The following SDF2 variants were observed in gnomAD, a reference collection of about 807,000 sequenced individuals.
SDF2 encodes the protein stromal cell derived factor 2.
In SDF2, 12 loss-of-function variants were observed where a neutral mutation model predicts 20.5. The observed-to-expected ratio is 0.58, with a 90% CI of 0.37 to 0.95. The LOEUF (loss-of-function observed/expected upper bound fraction) is 0.95. Among genes scored for constraint, SDF2 ranks in the 40% least tolerant of loss-of-function variants. The pLI is 0.01. For synonymous variants in SDF2, 100 were observed against 101.0 expected, an observed-to-expected ratio of 0.99 and a Z score of 0.06; for missense variants, 238 against 263.1, an observed-to-expected ratio of 0.90 and a Z score of 0.66.
At chr17:28,654,805 AATT>A (rs1423804063) in intron 2 of SDF2, among the ~76,000 whole-genome samples, 1 of 151,906 alleles carries the variant, frequency 6.6e-6, no homozygotes, top group East Asian at 1.9e-4. Context: ...CAAAAAAAAA[AATT>A]AGCCAGGTGT....
chr17:28,654,108 T>C (rs1597669766), intron 2 of SDF2, among the ~76,000 whole-genome samples: 1 of 151,672 alleles, frequency 6.6e-6, no homozygotes. Context: ...CTCAGGAGTT[T>C]GAGACCAGCC....
chr17:28,652,521 G>A (rs2071923575), intron 2 of SDF2, among the ~76,000 whole-genome samples: 1 of 152,130 alleles, frequency 6.6e-6, no homozygotes, highest in Admixed American at 6.5e-5. Flanking sequence ...TGTTAGCCAG[G>A]CTGGTCTCGA....
intron 2 of SDF2, 89 bp from the exon 3 acceptor site, chr17:28,649,365 T>G (rs1002304477): frequency 5.3e-5 from 68 of 1,289,328 alleles, no homozygotes; most frequent in Non-Finnish European, 7.1e-5. Flanking sequence ...GAAGGCCACC[T>G]TGAAGTAAAA....
rs758457609 is a variant in SDF2, at chr17:28,661,872, G to A, written c.5C>T (p.Ala2Val). M[A>V]VVPLLLLGGL... ...CCCCAACAACAGCAGAGGTACTACA[G>A]CCATCCTAACTGTATCGCGGAGCCC... is the stretch of plus-strand genomic sequence containing the variant. Residue 2 changes from alanine to valine, a missense_variant, in exon 1 of 3, where the codon GCT becomes GTT. Physicochemically the swap from Ala to Val is moderately conservative, Grantham distance 64. Coordinates refer to ENST00000247020, the MANE Select transcript of SDF2 (RefSeq NM_006923.4). The A allele has an allele frequency of 6.2e-7, 1 of 1,610,580 alleles. No individual in the cohort carries two copies. Among genetic ancestry groups the A allele is most frequent in the Non-Finnish European group, 8.5e-7 (1 of 1,177,072 alleles).
At chr17:28,661,676 A>G (rs202022967) in intron 1 of SDF2, 50 bp downstream of exon 1, 5 of 1,584,302 alleles carry the variant, frequency 3.2e-6, no homozygotes, top group South Asian at 1.1e-5. Flanking sequence ...CCGCCCCTCC[A>G]GAGCCTCCGA....
chr17:28,653,322 A>G (rs929362765), intron 2 of SDF2, among the ~76,000 whole-genome samples: 3 of 152,218 alleles, frequency 2.0e-5, no homozygotes, highest in African/African-American at 7.2e-5. Flanking sequence ...CAAACCCTTT[A>G]TAAGTCCGGT....
intron 1 of SDF2, 81 bp downstream of exon 1, chr17:28,661,645 C>A: frequency 6.8e-7 from 1 of 1,472,978 alleles, no homozygotes. Flanking sequence ...CCAGACCACA[C>A]TGTCAGATAT....
chr17:28,660,574 T>C (rs564392745), intron 1 of SDF2: 1 of 152,450 alleles, frequency 6.6e-6, no homozygotes, highest in Non-Finnish European at 1.5e-5. Context: ...GCCAAGCCTC[T>C]GTCCACCTCC....
chr17:28,658,346 G>A (rs1012110508), intron 1 of SDF2, among the ~76,000 whole-genome samples: 1 of 151,862 alleles, frequency 6.6e-6, no homozygotes, highest in East Asian at 1.9e-4. Flanking sequence ...TGGAGAGAAG[G>A]TCAGCAGATA....
At chr17:28,653,743 C>A (rs191409045) in intron 2 of SDF2, among the ~76,000 whole-genome samples, 52 of 152,112 alleles carry the variant, frequency 3.4e-4, no homozygotes, top group African/African-American at 1.2e-3. Context: ...ACCTGGGAGG[C>A]GGAGGTTGCA....
chr17:28,661,985 T>G, upstream of SDF2: 1 of 1,296,414 alleles, frequency 7.7e-7, no homozygotes. Flanking sequence ...AGCCCGAGTC[T>G]GATCTTTATG....
Position 28,655,272 on chromosome 17 carries a change from C to G in SDF2, c.348+15G>C. On this transcript the variant is annotated intron_variant, in intron 2 of 2. Transcript: ENST00000247020. ...GTAATGCAGAGCAGCAACAATCCAT[C>G]GAAAGCCACCTCACCTGGTTTCCAG... 1 of 1,613,180 alleles carries G rather than the reference C, an allele frequency of 6.2e-7. No homozygotes were observed. The highest frequency in any genetic ancestry group is 1.7e-5 in the Admixed American group (1 of 60,022).
At chr17:28,661,936 G>A, upstream of SDF2, 1 of 1,563,922 alleles carries the variant, frequency 6.4e-7, no homozygotes, top group Non-Finnish European at 8.7e-7. Flanking sequence ...CCCGGAACCG[G>A]AAGCTAATGG....
chr17:28,661,103 A>AG (rs750785921), intron 1 of SDF2: 14 of 397,782 alleles, frequency 3.5e-5, no homozygotes, highest in South Asian at 1.8e-4. Context: ...AAAAAAAAAA[A>AG]GCAGTTTTCT....
intron 1 of SDF2, among the ~76,000 whole-genome samples, chr17:28,659,896 G>A (rs552548656): frequency 6.5e-4 from 99 of 152,348 alleles, no homozygotes; most frequent in Non-Finnish European, 1.1e-3. Context: ...AGGCGGCTGG[G>A]AGGTGGAAGT....
chr17:28,649,900 C>CA (rs201795041), intron 2 of SDF2, among the ~76,000 whole-genome samples: 46,798 of 129,328 alleles, frequency 0.36, 9,379 homozygotes, highest in African/African-American at 0.59. Flanking sequence ...GACCCCATCT[C>CA]AAAAAAAAAA....
At chr17:28,651,347 A>T (rs529232031) in intron 2 of SDF2, 1 of 152,362 alleles carries the variant, frequency 6.6e-6, no homozygotes, top group East Asian at 1.9e-4. Context: ...TACAGGCATG[A>T]GCCACCACAT....
chr17:28,658,574 G>A (rs1470271324), intron 1 of SDF2, among the ~76,000 whole-genome samples: 3 of 152,156 alleles, frequency 2.0e-5, no homozygotes, highest in Non-Finnish European at 4.4e-5. Context: ...GGGGTTGGGG[G>A]TAAGGTTATA....
At chr17:28,649,461 C>T (rs572610122) in intron 2 of SDF2, among the ~76,000 whole-genome samples, 185 bp from the exon 3 acceptor site, 28 of 152,232 alleles carry the variant, frequency 1.8e-4, no homozygotes, top group Non-Finnish European at 3.1e-4. Flanking sequence ...GAGTTTGAGA[C>T]CAGCCTGGGC....
Sources: allele counts gnomAD v4.1 joint callset (sites outside exome capture counted in the v4.1 genomes callset), GRCh38; gene constraint gnomAD v4.1.1; transcripts MANE v1.5; gene names NCBI Gene and HGNC (gene_info 2026-07-23, HGNC 2026-07-21).